Variants in STK24 observed in about 807,000 individuals in gnomAD.
STK24 encodes the protein serine/threonine kinase 24.
Under a neutral mutation model 55.6 loss-of-function variants are expected in STK24, and 21 were observed. The ratio of observed to expected loss-of-function variants is 0.38; its 90% confidence interval spans 0.27 to 0.54. The LOEUF is 0.54. Ranked by LOEUF, STK24 falls within the 20% of genes least tolerant of loss-of-function variation. The probability of loss-of-function intolerance (pLI) is 0.79; values close to 1 mark genes in which losing one functional copy is unlikely to be tolerated. For missense variants in STK24, 383 were observed against 538.4 expected (o/e 0.71, Z 2.86); for synonymous variants, 200 against 215.2 (o/e 0.93, Z 0.62).
chr13:98,517,489 G>A (rs181338455), intron 2 of STK24, among the ~76,000 whole-genome samples: 19 of 152,260 alleles, frequency 1.2e-4, no homozygotes, highest in Non-Finnish European at 2.5e-4. Context: ...AGCCGGGCAC[G>A]GTGGTTGGTG....
At chr13:98,534,807 C>T (rs1435792985) in intron 1 of STK24, among the ~76,000 whole-genome samples, 1 of 152,204 alleles carries the variant, frequency 6.6e-6, no homozygotes, top group African/African-American at 2.4e-5. Flanking sequence ...CTTCCTGAAC[C>T]CCTACCCACC....
chr13:98,446,312 G>A lies in STK24; in HGVS notation c.*6861C>T, dbSNP rs1892832156. On this transcript the variant is annotated 3_prime_UTR_variant, in exon 11 of 11. Transcript: ENST00000539966. The stretch of plus-strand genomic sequence containing the variant: ...GACTCAGGCCTCTTGGGCTCCAGGT[G>A]TCACGGGGATGACAGGGATGCTGGC... The A allele has an allele frequency of 1.4e-6, 1 of 717,334 alleles. No individual in the cohort carries two copies. Among genetic ancestry groups the A allele is most frequent in the East Asian group, 2.5e-5 (1 of 39,344 alleles). The allele number at this position is 717,334 out of a possible 1,614,324, so 44.4% of individuals were successfully genotyped here. A position where few individuals can be genotyped will look rare whatever the true frequency, so the allele number is the denominator to read the frequency against.
chr13:98,540,602 C>G (rs1162772872), intron 1 of STK24, among the ~76,000 whole-genome samples: 2 of 152,046 alleles, frequency 1.3e-5, no homozygotes, highest in African/African-American at 4.8e-5. Context: ...ACTTCACATT[C>G]CTGTCTACTC....
intron 2 of STK24, 82 bp downstream of exon 2, chr13:98,519,161 T>C: frequency 9.0e-7 from 1 of 1,115,478 alleles, no homozygotes; most frequent in South Asian, 1.3e-5. Context: ...CTGTGCTTTG[T>C]CCTATCAGAG....
At chr13:98,493,057 A>G (rs1161374984) in intron 2 of STK24, among the ~76,000 whole-genome samples, 2 of 152,250 alleles carry the variant, frequency 1.3e-5, no homozygotes, top group African/African-American at 4.8e-5. Context: ...AAGTACATCA[A>G]TTTATGAAAA....
chr13:98,572,499 T>C (rs1897767917), intron 1 of STK24, among the ~76,000 whole-genome samples: 1 of 152,172 alleles, frequency 6.6e-6, no homozygotes, highest in Admixed American at 6.5e-5. Flanking sequence ...CACAATTAAA[T>C]GCAGCTGTCC....
At chr13:98,554,768 ACT>A (rs1897242855) in intron 1 of STK24, among the ~76,000 whole-genome samples, 1 of 152,148 alleles carries the variant, frequency 6.6e-6, no homozygotes, top group African/African-American at 2.4e-5. Flanking sequence ...TAATCCCAGC[ACT>A]TTGGGAGGCC....
rs113209502 is a variant in STK24, at chr13:98,453,221, G to A, written c.1260-12C>T. 1 of 1,513,862 alleles carries A rather than the reference G, an allele frequency of 6.6e-7. No individual in the cohort carries two copies. Among genetic ancestry groups the A allele is most frequent in the Admixed American group, 1.8e-5 (1 of 55,528 alleles). The allele number at this position is 1,513,862 out of a possible 1,614,324, so 93.8% of individuals were successfully genotyped here. A position where few individuals can be genotyped will look rare whatever the true frequency, so the allele number is the denominator to read the frequency against. On this transcript the variant is annotated splice_polypyrimidine_tract_variant and intron_variant, in intron 10 of 10. Coordinates refer to ENST00000539966, the MANE Select transcript of STK24 (RefSeq NM_001032296.4). ...CACTTAGAGAGTATCTAGGGAAAAAGAGAGAGAGAGAAGTCAACACATGTC... is the reference window on the plus strand; with the variant it reads ...CACTTAGAGAGTATCTAGGGAAAAAAAGAGAGAGAGAAGTCAACACATGTC...
intron 5 of STK24, among the ~76,000 whole-genome samples, chr13:98,471,312 CACTTTTCACCATGGTT>C (rs2139278391): frequency 6.6e-6 from 1 of 152,356 alleles, no homozygotes; most frequent in East Asian, 1.9e-4. Context: ...CACCAGTTTC[CACTTTTCACCATGGTT>C]ACACTTCAAA....
chr13:98,538,015 G>A (rs555254474), intron 1 of STK24, among the ~76,000 whole-genome samples: 2 of 152,186 alleles, frequency 1.3e-5, no homozygotes, highest in East Asian at 3.9e-4. Context: ...GGCCTACCTT[G>A]TAGATGTCAC....
intron 2 of STK24, among the ~76,000 whole-genome samples, chr13:98,494,428 A>AAAAAAAAAAAAAAAAAAAAAAAT (rs58955737): frequency 1.3e-5 from 2 of 148,884 alleles, no homozygotes; most frequent in African/African-American, 2.5e-5. Context: ...AAAAAAAAAA[A>AAAAAAAAAAAAAAAAAAAAAAAT]GTGCCTCTAA....
chr13:98,576,719 C>T (rs1897908541), intron 1 of STK24, 26 bp downstream of exon 1: 1 of 1,458,424 alleles, frequency 6.9e-7, no homozygotes, highest in Non-Finnish European at 9.0e-7. Flanking sequence ...TCGCGCATCC[C>T]GGCCCCGCGG....
intron 2 of STK24, among the ~76,000 whole-genome samples, chr13:98,482,649 T>TC (rs1432473500): frequency 3.3e-5 from 5 of 152,200 alleles, no homozygotes; most frequent in Admixed American, 2.0e-4. Context: ...CACTGGGGGA[T>TC]CCTCAGGCAC....
intron 1 of STK24, among the ~76,000 whole-genome samples, chr13:98,535,197 CGTG>C (rs1336943939): frequency 6.6e-6 from 1 of 151,986 alleles, no homozygotes; most frequent in African/African-American, 2.4e-5. Flanking sequence ...ATTAGCTGGG[CGTG>C]GTGGCACGTG....
At chr13:98,495,628 C>T (rs1216308451) in intron 2 of STK24, among the ~76,000 whole-genome samples, 3 of 152,144 alleles carry the variant, frequency 2.0e-5, no homozygotes, top group South Asian at 2.1e-4. Flanking sequence ...CAAATGTCTT[C>T]GGGGGCTTTC....
chr13:98,527,579 A>T (rs1274270918), intron 1 of STK24, among the ~76,000 whole-genome samples: 1 of 151,908 alleles, frequency 6.6e-6, no homozygotes, highest in Non-Finnish European at 1.5e-5. Flanking sequence ...GGCCACCGGC[A>T]CCCCCTTCCC....
At position 98,447,174 on chromosome 13, in the gene STK24, A is replaced by G. The variant is rs1259484685; in HGVS notation, c.*5999T>C. 2 of 209,230 alleles carry G rather than the reference A, an allele frequency of 9.6e-6. No homozygotes were observed. The highest frequency in any genetic ancestry group is 1.9e-5 in the Non-Finnish European group (2 of 103,174). 13.0% of individuals were successfully genotyped at this position (209,230 alleles called of 1,614,324 possible). On this transcript the variant is annotated 3_prime_UTR_variant, in exon 11 of 11. Coordinates refer to ENST00000539966, the MANE Select transcript of STK24 (RefSeq NM_001032296.4). ...CATTTAGCCAAGAAAGAAATGCAACAGTCAGGCCTAAGACTGTTCCTGCAA... is the reference window on the plus strand; with the variant it reads ...CATTTAGCCAAGAAAGAAATGCAACGGTCAGGCCTAAGACTGTTCCTGCAA...
intron 2 of STK24, among the ~76,000 whole-genome samples, chr13:98,496,343 T>C (rs987743923): frequency 6.6e-6 from 1 of 152,224 alleles, no homozygotes; most frequent in Admixed American, 6.5e-5. Flanking sequence ...TTTTGTTTAT[T>C]GCTTAGAGGA....
intron 9 of STK24, among the ~76,000 whole-genome samples, chr13:98,458,327 C>T (rs1485572820): frequency 6.6e-6 from 1 of 152,126 alleles, no homozygotes; most frequent in Non-Finnish European, 1.5e-5. Flanking sequence ...TGATGGACAC[C>T]GCCTCCTCTT....
Sources: allele counts gnomAD v4.1 joint callset (sites outside exome capture counted in the v4.1 genomes callset), GRCh38; gene constraint gnomAD v4.1.1; transcripts MANE v1.5; gene names NCBI Gene and HGNC (gene_info 2026-07-23, HGNC 2026-07-21).